ZDHHC4: variants seen among roughly 807,000 people sequenced by gnomAD.
The protein encoded by ZDHHC4 is palmitoyltransferase ZDHHC4.
ZDHHC4 carries 42 observed loss-of-function variants against 36.7 expected under a neutral mutation model. The ratio of observed to expected loss-of-function variants is 1.14; its 90% CI spans 0.89 to 1.48. The LOEUF is 1.48. Ranked by LOEUF, ZDHHC4 falls within the 40% of genes most tolerant of loss-of-function variation. The probability of loss-of-function intolerance (pLI) is 0.00; values close to 1 mark genes in which losing one functional copy is unlikely to be tolerated. For synonymous variants in ZDHHC4, 189 were observed against 166.6 expected, an observed-to-expected ratio of 1.13 and a Z score of -1.03; for missense variants, 457 against 421.5, an observed-to-expected ratio of 1.08 and a Z score of -0.74.
intron 5 of ZDHHC4, among the ~76,000 whole-genome samples, chr7:6,582,595 G>A (rs553190594): frequency 6.6e-6 from 1 of 152,148 alleles, no homozygotes; most frequent in Non-Finnish European, 1.5e-5. Context: ...TCAGCTCGCT[G>A]CAACCTCCGC....
chr7:6,585,362 G>A (rs186187531), intron 7 of ZDHHC4, 102 bp downstream of exon 7: 187 of 1,476,752 alleles, frequency 1.3e-4, no homozygotes, highest in Admixed American at 9.8e-4. Context: ...GGTGGCTCAC[G>A]CCTATAATCC....
chr7:6,580,367 C>G (rs1465983937), intron 2 of ZDHHC4, among the ~76,000 whole-genome samples, 188 bp from the exon 3 acceptor site: 1 of 152,054 alleles, frequency 6.6e-6, no homozygotes, highest in African/African-American at 2.4e-5. Context: ...GGCAGCAGGC[C>G]TCTGTTATGT....
At chr7:6,585,414 A>G (rs1460468467) in intron 7 of ZDHHC4, among the ~76,000 whole-genome samples, 154 bp downstream of exon 7, 1 of 151,982 alleles carries the variant, frequency 6.6e-6, no homozygotes, top group Admixed American at 6.6e-5. Flanking sequence ...GCATGAGGCT[A>G]GGAGTTCAGG....
At chr7:6,578,023 T>G (rs1477592555) in intron 1 of ZDHHC4, among the ~76,000 whole-genome samples, 2 of 152,168 alleles carry the variant, frequency 1.3e-5, no homozygotes, top group Admixed American at 6.5e-5. Flanking sequence ...TAGAGACGGA[T>G]TTCACCATGT....
intron 7 of ZDHHC4, among the ~76,000 whole-genome samples, chr7:6,585,677 A>C (rs1781192127): frequency 6.6e-6 from 1 of 152,078 alleles, no homozygotes; most frequent in African/African-American, 2.4e-5. Flanking sequence ...GTGGTGGCAC[A>C]TGCCCATTGT....
chr7:6,582,412 T>A, intron 5 of ZDHHC4, 161 bp downstream of exon 5: 1 of 700,218 alleles, frequency 1.4e-6, no homozygotes. Context: ...TTTTTTTTCT[T>A]CTTCAACCCA....
At chr7:6,588,246 C>T (rs1781385480) in intron 7 of ZDHHC4, among the ~76,000 whole-genome samples, 1 of 152,168 alleles carries the variant, frequency 6.6e-6, no homozygotes, top group Non-Finnish European at 1.5e-5. Context: ...TATCCTTGTA[C>T]ATCTATTTTT....
rs1464375913 is a variant in ZDHHC4 at position 6,577,705 on chromosome 7, C to G, written c.-163+207C>G. 3 of 152,410 alleles carry G rather than the reference C, an allele frequency of 2.0e-5. No homozygotes were observed. The East Asian group carries it at 5.8e-4, about 29-fold the overall frequency. 9.4% of individuals were successfully genotyped at this position (152,410 alleles called of 1,614,324 possible). A position where few individuals can be genotyped will look rare whatever the true frequency, so the allele number is the denominator to read the frequency against. On this transcript the variant is annotated intron_variant, in intron 1 of 7. Coordinates refer to ENST00000335965, the MANE Select transcript of ZDHHC4 (RefSeq NM_001134389.2). Reference sequence around the variant, plus strand: ...TCCAGCCCCCAGGGAAATCTCCGACCAGGCCCGCCCAGGAGGTGCCTTGGA... The same window carrying G: ...TCCAGCCCCCAGGGAAATCTCCGACGAGGCCCGCCCAGGAGGTGCCTTGGA...
intron 2 of ZDHHC4, among the ~76,000 whole-genome samples, chr7:6,579,999 G>A (rs959852751): frequency 6.6e-6 from 1 of 152,030 alleles, no homozygotes; most frequent in African/African-American, 2.4e-5. Context: ...AGCCAGGCAT[G>A]GGGTGCGTGC....
chr7:6,582,614 T>C (rs1780939003), intron 5 of ZDHHC4, among the ~76,000 whole-genome samples: 1 of 151,940 alleles, frequency 6.6e-6, no homozygotes, highest in South Asian at 2.1e-4. Context: ...GCCTCCCGGG[T>C]TCAAGGGATT....
chr7:6,584,992 ACGTG>A lies in ZDHHC4; in HGVS notation c.497-22_497-19del, dbSNP rs1376355746. 5 of 1,612,532 alleles carry A rather than the reference ACGTG, an allele frequency of 3.1e-6. No individual in the cohort carries two copies. The Admixed American group carries it at 8.3e-5, about 27-fold the overall frequency. ...TTGTCTCGTCAAGCACCATCCCAGC[ACGTG>A]CCCCCTTGTTTCTGTGCAGGTGTGT... is the stretch of plus-strand genomic sequence containing the variant. On this transcript the variant is annotated intron_variant, in intron 6 of 7. Transcript: ENST00000335965.
At chr7:6,577,731 T>TG (rs1438957088) in intron 1 of ZDHHC4, 1 of 152,236 alleles carries the variant, frequency 6.6e-6, no homozygotes, top group Non-Finnish European at 1.5e-5. Flanking sequence ...GTGCCTTGGA[T>TG]GGGGGTGGCT....
intron 2 of ZDHHC4, 161 bp downstream of exon 2, chr7:6,578,881 G>A (rs766284435): frequency 2.0e-5 from 3 of 152,048 alleles, no homozygotes; most frequent in Non-Finnish European, 2.9e-5. Context: ...TATCTTTTTT[G>A]GTTTGTTTTT....
At chr7:6,582,346 A>G in intron 5 of ZDHHC4, 95 bp downstream of exon 5, 2 of 1,168,702 alleles carry the variant, frequency 1.7e-6, no homozygotes, top group South Asian at 3.8e-5. Flanking sequence ...AGGACTTTGT[A>G]AAAGATTTGA....
intron 7 of ZDHHC4, among the ~76,000 whole-genome samples, chr7:6,588,198 T>A (rs1024767857): frequency 6.6e-6 from 1 of 152,150 alleles, no homozygotes; most frequent in African/African-American, 2.4e-5. Context: ...GGAAAAAAAC[T>A]TCGGAAGAGG....
chr7:6,579,196 G>A (rs562236216), intron 2 of ZDHHC4, among the ~76,000 whole-genome samples: 26 of 150,676 alleles, frequency 1.7e-4, no homozygotes, highest in Non-Finnish European at 3.2e-4. Flanking sequence ...CCAGTATCCA[G>A]TGTCTTTTCT....
chr7:6,586,640 T>A (rs1387549959), intron 7 of ZDHHC4, among the ~76,000 whole-genome samples: 2 of 152,042 alleles, frequency 1.3e-5, no homozygotes. Context: ...CACGCCTGGC[T>A]AATTTTTGTA....
intron 5 of ZDHHC4, 75 bp downstream of exon 5, chr7:6,582,326 G>T: frequency 7.4e-7 from 1 of 1,345,776 alleles, no homozygotes. Context: ...ACAAGGAGAG[G>T]CCCCCCCTGA....
intron 3 of ZDHHC4, among the ~76,000 whole-genome samples, 182 bp from the exon 4 acceptor site, chr7:6,581,425 G>A (rs1040202518): frequency 6.6e-6 from 1 of 152,230 alleles, no homozygotes; most frequent in African/African-American, 2.4e-5. Context: ...GAGTTGGCGT[G>A]AAAGGAAAGA....
Sources: allele counts gnomAD v4.1 joint callset (sites outside exome capture counted in the v4.1 genomes callset), GRCh38; gene constraint gnomAD v4.1.1; transcripts MANE v1.5; gene names NCBI Gene and HGNC (gene_info 2026-07-23, HGNC 2026-07-21).